The following MOGAT2 variants were observed in gnomAD, a reference collection of about 807,000 sequenced individuals.
MOGAT2 encodes the protein monoacylglycerol O-acyltransferase 2, also known as 2-acylglycerol O-acyltransferase 2.
A neutral mutation model predicts 31.5 loss-of-function variants in MOGAT2; 27 were observed. The ratio of observed to expected loss-of-function variants is 0.86; its 90% CI spans 0.63 to 1.18. The LOEUF (loss-of-function observed/expected upper bound fraction) is 1.18. Among genes scored for constraint, MOGAT2 ranks in the 50% most tolerant of loss-of-function variants. The pLI is 0.00. For missense variants in MOGAT2, 436 were observed against 433.2 expected, an observed-to-expected ratio of 1.01 and a Z score of -0.06; for synonymous variants, 163 against 170.0, an observed-to-expected ratio of 0.96 and a Z score of 0.32.
intron 2 of MOGAT2, 114 bp from the exon 3 acceptor site, chr11:75,727,321 G>A: frequency 1.1e-6 from 1 of 905,588 alleles, no homozygotes; most frequent in Non-Finnish European, 1.7e-6. Context: ...TCAGACATAT[G>A]GATGAAGACC....
chr11:75,719,913 G>T (rs765638671), intron 1 of MOGAT2, 79 bp from the exon 2 acceptor site: 126 of 1,440,560 alleles, frequency 8.7e-5, no homozygotes, highest in Non-Finnish European at 1.1e-4. Flanking sequence ...CCAGGCCTAT[G>T]GGCAGAGTTC....
chr11:75,728,122 G>C lies in MOGAT2; in HGVS notation c.628G>C (p.Val210Leu), dbSNP rs149099995. 1 of 1,613,628 alleles carries C rather than the reference G, an allele frequency of 6.2e-7. No homozygotes were observed. Among genetic ancestry groups the C allele is most frequent in the South Asian group, 1.1e-5 (1 of 91,012 alleles). ...GTTACTGCGGAACCGAAAGGGCTTC[G>C]TCAGGCTCGCCCTGACACACGGGTA... Reference protein sequence around the residue: ...TLLLRNRKGFVRLALTHGAPL... With the variant: ...TLLLRNRKGFLRLALTHGAPL... Residue 210 changes from valine (V) to leucine (L), a missense_variant, in exon 4 of 6, where the codon GTC becomes CTC. Coordinates refer to ENST00000198801, the MANE Select transcript of MOGAT2 (RefSeq NM_025098.4).
chr11:75,729,088 T>A, intron 5 of MOGAT2, 99 bp downstream of exon 5: 1 of 1,111,726 alleles, frequency 9.0e-7, no homozygotes. Flanking sequence ...ATTCCTGCCC[T>A]AATGGGGCTC....
At chr11:75,718,029 C>G in intron 1 of MOGAT2, 50 bp downstream of exon 1, 1 of 1,548,380 alleles carries the variant, frequency 6.5e-7, no homozygotes, top group East Asian at 2.3e-5. Flanking sequence ...TCAGGTGGGG[C>G]AGAGCAGCCA....
intron 2 of MOGAT2, 142 bp downstream of exon 2, chr11:75,720,312 C>A: frequency 1.2e-6 from 1 of 855,808 alleles, no homozygotes; most frequent in Non-Finnish European, 1.8e-6. Context: ...CTAGGGCTTC[C>A]GCTACTATGT....
In MOGAT2 at chr11:75,720,145, A is replaced by C; in HGVS notation, c.245A>C (p.Tyr82Ser). The change falls in exon 2 of 6, where the codon TAC (tyrosine) becomes TCC (serine). Residue 82 changes from tyrosine (Y) to serine (S), a missense_variant. By Grantham distance (144) the Tyr-to-Ser change is moderately radical. Transcript: ENST00000198801. ...QAIRCWTIWK[Y>S]MKDYFPISLV... ...ATCAGGTGCTGGACTATATGGAAGT[A>C]CATGAAGGACTATTTCCCCATCTCG... is the stretch of plus-strand genomic sequence containing the variant. 6.2e-7 allele frequency: 1 copy of C among 1,613,672 alleles called. No individual in the cohort carries two copies. The highest frequency in any genetic ancestry group is 1.1e-5 in the South Asian group (1 of 91,014).
rs549980943 is a variant in MOGAT2, at chr11:75,723,181, C to T, written c.270+3011C>T. 7.9e-4 allele frequency among the ~76,000 whole-genome samples: 120 copies of T among 152,158 alleles called. 1 individual carries two copies. The highest frequency in any genetic ancestry group is 2.8e-3 in the African/African-American group (115 of 41,514). Reference sequence around the variant, plus strand: ...TTCACCATGTTGGCCAGGCTGGTCTCGAACTCCTGACCGCCCACCTTAGCC... The same window carrying T: ...TTCACCATGTTGGCCAGGCTGGTCTTGAACTCCTGACCGCCCACCTTAGCC... On this transcript the variant is annotated intron_variant, in intron 2 of 5. Transcript: ENST00000198801.
chr11:75,725,178 G>T (rs555084053), intron 2 of MOGAT2, among the ~76,000 whole-genome samples: 5 of 152,258 alleles, frequency 3.3e-5, no homozygotes, highest in Admixed American at 3.3e-4. Context: ...GTTTATGGAG[G>T]TGCAAAATTA....
In MOGAT2 at chr11:75,728,899, A is replaced by T. The variant is rs1187875685; in HGVS notation, c.760A>T (p.Met254Leu). Residue 254 changes from methionine (M) to leucine (L), a missense_variant, in exon 5 of 6, where the codon ATG (methionine) becomes TTG (leucine). By Grantham distance (15) the Met-to-Leu change is conservative. Transcript: ENST00000198801. ...TATCCAGAATCGGTTGCAGAAGATC[A>T]TGGGCATCTCCCTCCCACTCTTTCA... ...RYIQNRLQKI[M>L]GISLPLFHGR... 6.2e-6 allele frequency: 10 copies of T among 1,614,184 alleles called. No individual in the cohort carries two copies. Among genetic ancestry groups the T allele is most frequent in the Non-Finnish European group, 8.5e-6 (10 of 1,180,030 alleles).
At position 75,720,187 on chromosome 11, in the gene MOGAT2, G is replaced by A; in HGVS notation, c.270+17G>A. On this transcript the variant is annotated intron_variant, in intron 2 of 5. Transcript: ENST00000198801. Reference sequence around the variant, plus strand: ...CCCATCTCGGTGAGTATTGAGGCTGGTTGGGGTTGGGGAGGGAGTTGGCTG... The same window carrying A: ...CCCATCTCGGTGAGTATTGAGGCTGATTGGGGTTGGGGAGGGAGTTGGCTG... The A allele has an allele frequency of 6.2e-7, 1 of 1,601,614 alleles. No individual in the cohort carries two copies. The highest frequency in any genetic ancestry group is 2.2e-5 in the East Asian group (1 of 44,746).
intron 3 of MOGAT2, 71 bp from the exon 4 acceptor site, chr11:75,727,899 T>C: frequency 6.9e-7 from 1 of 1,455,932 alleles, no homozygotes; most frequent in Non-Finnish European, 9.3e-7. Context: ...GTGATCTCTT[T>C]ATGGGCTACA....
chr11:75,726,696 ATTT>A (rs1186269725), intron 2 of MOGAT2, among the ~76,000 whole-genome samples: 32 of 123,146 alleles, frequency 2.6e-4, no homozygotes, highest in African/African-American at 8.8e-4. Flanking sequence ...AGGAACATTG[ATTT>A]TTTTTTTTTT....
At chr11:75,723,331 T>C (rs1427660872) in intron 2 of MOGAT2, among the ~76,000 whole-genome samples, 4 of 151,808 alleles carry the variant, frequency 2.6e-5, no homozygotes, top group Non-Finnish European at 5.9e-5. Flanking sequence ...CTGCCGAGGG[T>C]GACAATGCCA....
chr11:75,729,449 A>G (rs1229894148), intron 5 of MOGAT2, among the ~76,000 whole-genome samples: 1 of 151,994 alleles, frequency 6.6e-6, no homozygotes, highest in Non-Finnish European at 1.5e-5. Flanking sequence ...TAATTTTTGT[A>G]TTTTTAGTAG....
rs1396813333 is a variant in MOGAT2, at chr11:75,728,964, C to G, written c.825C>G (p.Pro275=). The change falls in exon 5 of 6, where the codon CCC becomes CCG. Residue 275 remains proline (P), a synonymous_variant. Coordinates refer to ENST00000198801, the MANE Select transcript of MOGAT2 (RefSeq NM_025098.4). ...GVFQYSFGLI[P]YRRPITTVVG... is the part of the protein sequence containing the mutation. Reference sequence around the variant, plus strand: ...TCCAGTACAGCTTTGGTTTAATACCCTACCGCCGGCCCATCACCACTGTGG... The same window carrying G: ...TCCAGTACAGCTTTGGTTTAATACCGTACCGCCGGCCCATCACCACTGTGG... 6.2e-7 allele frequency: 1 copy of G among 1,613,796 alleles called. No homozygotes were observed.
Position 75,728,053 on chromosome 11 carries a change from G to C in MOGAT2, c.559G>C (p.Gly187Arg), listed in dbSNP as rs1430174551. The C allele has an allele frequency of 1.9e-6, 3 of 1,614,082 alleles. No homozygotes were observed. Among genetic ancestry groups the C allele is most frequent in the Non-Finnish European group, 2.5e-6 (3 of 1,179,986 alleles). ...GGNLLGIIVGGAQEALDARPG... is the reference protein window; with the variant it reads ...GGNLLGIIVGRAQEALDARPG... ...AAACTTGCTGGGCATCATTGTAGGG[G>C]GTGCCCAGGAGGCCCTGGATGCCAG... Residue 187 changes from glycine to arginine, a missense_variant, in exon 4 of 6, where the codon GGT becomes CGT. By Grantham distance (125) the Gly-to-Arg change is moderately radical. Coordinates refer to ENST00000198801, the MANE Select transcript of MOGAT2 (RefSeq NM_025098.4).
At chr11:75,730,317 G>A (rs1422881582) in intron 5 of MOGAT2, among the ~76,000 whole-genome samples, 1 of 152,192 alleles carries the variant, frequency 6.6e-6, no homozygotes, top group Non-Finnish European at 1.5e-5. Flanking sequence ...GGTCAGCGTG[G>A]AGGGGTAGAA....
intron 2 of MOGAT2, among the ~76,000 whole-genome samples, chr11:75,726,750 A>G (rs2105771): frequency 4.8e-5 from 7 of 147,202 alleles, no homozygotes; most frequent in Non-Finnish European, 5.9e-5. Context: ...CCAGGCTGGA[A>G]TGCAGTGGTG....
chr11:75,723,487 T>C, intron 2 of MOGAT2, among the ~76,000 whole-genome samples: 1 of 145,374 alleles, frequency 6.9e-6, no homozygotes, highest in Non-Finnish European at 1.5e-5. Flanking sequence ...CCCGCAGGGA[T>C]CATGGGGTGA....
Sources: allele counts gnomAD v4.1 joint callset (sites outside exome capture counted in the v4.1 genomes callset), GRCh38; gene constraint gnomAD v4.1.1; transcripts MANE v1.5; gene names NCBI Gene and HGNC (gene_info 2026-07-23, HGNC 2026-07-21).